CERS6: variants seen among roughly 807,000 people sequenced by gnomAD.
The protein encoded by CERS6 is ceramide synthase 6.
A neutral mutation model predicts 56.8 loss-of-function variants in CERS6; 26 were observed. That is an observed-to-expected ratio of 0.46 (90% CI 0.34 to 0.63). CERS6 has a LOEUF of 0.63. Among genes scored for constraint, CERS6 ranks in the 30% least tolerant of loss-of-function variants. The probability of loss-of-function intolerance (pLI) is 0.01; values close to 1 mark genes in which losing one functional copy is unlikely to be tolerated. For synonymous variants in CERS6, 164 were observed against 173.3 expected (o/e 0.95, Z 0.42); for missense variants, 415 against 467.5 (o/e 0.89, Z 1.04).
In CERS6 at chr2:168,568,961, A is replaced by T. The variant is rs751586908; in HGVS notation, c.407+7639A>T. Among the ~76,000 whole-genome samples, 66 of 152,394 alleles carry T rather than the reference A, an allele frequency of 4.3e-4. No individual in the cohort carries two copies. In the South Asian group the frequency reaches 4.3e-3, roughly 10 times the overall value. On this transcript the variant is annotated intron_variant, in intron 3 of 9. Transcript: ENST00000305747. The stretch of plus-strand genomic sequence containing the variant: ...ACAGGAGCAGTTTTATACACATTAA[A>T]TGGCTAAGAAATACATAGCTACTAC...
chr2:168,517,681 A>G (rs922217493), intron 1 of CERS6, among the ~76,000 whole-genome samples: 1 of 152,054 alleles, frequency 6.6e-6, no homozygotes, highest in Non-Finnish European at 1.5e-5. Flanking sequence ...CCATGGAAAA[A>G]AAGAGACACA....
At chr2:168,721,652 T>C (rs1683172588) in intron 8 of CERS6, among the ~76,000 whole-genome samples, 1 of 149,564 alleles carries the variant, frequency 6.7e-6, no homozygotes, top group African/African-American at 2.5e-5. Context: ...GGGGTCTTGC[T>C]CTGTTGGCCA....
intron 4 of CERS6, among the ~76,000 whole-genome samples, chr2:168,687,425 G>C (rs548468043): frequency 1.3e-5 from 2 of 152,274 alleles, no homozygotes; most frequent in South Asian, 4.2e-4. Flanking sequence ...CTAATAGCAT[G>C]AGTATCAACT....
chr2:168,682,324 A>C (rs1043817719), intron 4 of CERS6, among the ~76,000 whole-genome samples: 1 of 152,236 alleles, frequency 6.6e-6, no homozygotes, highest in African/African-American at 2.4e-5. Flanking sequence ...AGAAAAAATA[A>C]AAATCCCCTG....
At chr2:168,608,554 C>T (rs1158579670) in intron 3 of CERS6, among the ~76,000 whole-genome samples, 3 of 152,198 alleles carry the variant, frequency 2.0e-5, no homozygotes, top group Non-Finnish European at 2.9e-5. Context: ...TTGCTATTAT[C>T]TCTTCAATTA....
chr2:168,693,587 A>G (rs2105364033), intron 5 of CERS6, among the ~76,000 whole-genome samples: 1 of 152,298 alleles, frequency 6.6e-6, no homozygotes, highest in South Asian at 2.1e-4. Flanking sequence ...TTCAAGTTTT[A>G]CAAGGACAGT....
intron 8 of CERS6, among the ~76,000 whole-genome samples, chr2:168,752,229 A>G (rs150906784): frequency 6.6e-6 from 1 of 151,596 alleles, no homozygotes; most frequent in Non-Finnish European, 1.5e-5. Flanking sequence ...ATTTGAGCCC[A>G]GGAGTCTGAG....
chr2:168,671,139 T>TG (rs1483163760), intron 4 of CERS6, among the ~76,000 whole-genome samples: 3 of 151,960 alleles, frequency 2.0e-5, no homozygotes, highest in African/African-American at 7.3e-5. Context: ...TTTTGTATTT[T>TG]TTTTTTCAGT....
At chr2:168,707,381 A>G (rs3845722) in intron 6 of CERS6, among the ~76,000 whole-genome samples, 40,128 of 152,112 alleles carry the variant, frequency 0.26, 6,481 homozygotes, top group Middle Eastern at 0.44. Flanking sequence ...TGGAGAAGGG[A>G]ATAATTGATT....
At position 168,635,371 on chromosome 2, in the gene CERS6, AGTGAAGATGCACTGCTGGGTGG is replaced by A. The variant is rs1684839296; in HGVS notation, c.465+4333_465+4354del. 2.6e-5 allele frequency among the ~76,000 whole-genome samples: 4 copies of A among 152,338 alleles called. No homozygotes were observed. In the South Asian group the frequency reaches 8.3e-4, roughly 32 times the overall value. On this transcript the variant is annotated intron_variant, in intron 4 of 9. Coordinates refer to ENST00000305747, the MANE Select transcript of CERS6 (RefSeq NM_203463.3). ...TGCTGGAATGAACTGCTACTGCTGG[AGTGAAGATGCACTGCTGGGTGG>A]GTGTGGAGGCAGGGGATGAACGTGA...
intron 9 of CERS6, among the ~76,000 whole-genome samples, chr2:168,768,310 A>G (rs1394077364): frequency 6.6e-6 from 1 of 150,842 alleles, no homozygotes; most frequent in East Asian, 2.0e-4. Flanking sequence ...GCTCACCGCA[A>G]CCTCCACTTC....
At chr2:168,466,499 A>C (rs755310645) in intron 1 of CERS6, among the ~76,000 whole-genome samples, 4 of 152,194 alleles carry the variant, frequency 2.6e-5, no homozygotes, top group African/African-American at 7.2e-5. Context: ...CAAACACTTG[A>C]GTATTTAAAG....
At chr2:168,502,710 A>G (rs928715759) in intron 1 of CERS6, among the ~76,000 whole-genome samples, 1 of 152,166 alleles carries the variant, frequency 6.6e-6, no homozygotes, top group Non-Finnish European at 1.5e-5. Flanking sequence ...AATATTAGCC[A>G]TTTTATCATT....
At chr2:168,744,135 A>T (rs1194226148) in intron 8 of CERS6, among the ~76,000 whole-genome samples, 1 of 150,086 alleles carries the variant, frequency 6.7e-6, no homozygotes, top group African/African-American at 2.5e-5. Flanking sequence ...CCTCCTGAGT[A>T]GCTGGGACTA....
intron 3 of CERS6, among the ~76,000 whole-genome samples, chr2:168,565,135 A>T (rs954999794): frequency 6.6e-6 from 1 of 152,244 alleles, no homozygotes; most frequent in Admixed American, 6.5e-5. Context: ...ATGGGATGGC[A>T]AAGGAGAACA....
At chr2:168,719,897 A>C (rs1011449517) in intron 8 of CERS6, among the ~76,000 whole-genome samples, 7 of 152,022 alleles carry the variant, frequency 4.6e-5, no homozygotes, top group Non-Finnish European at 8.8e-5. Flanking sequence ...GAAAGGTGAT[A>C]TCCATTTAAA....
At chr2:168,554,467 A>G (rs902698574) in intron 2 of CERS6, among the ~76,000 whole-genome samples, 2 of 152,200 alleles carry the variant, frequency 1.3e-5, no homozygotes, top group Non-Finnish European at 2.9e-5. Context: ...GGGTGTCCAT[A>G]TACAAACGGG....
In CERS6 at chr2:168,771,402, G is replaced by A. The variant is rs1684858105; in HGVS notation, c.*1740G>A. On this transcript the variant is annotated 3_prime_UTR_variant, in exon 10 of 10. Coordinates refer to ENST00000305747, the MANE Select transcript of CERS6 (RefSeq NM_203463.3). ...TATGGTCCTTAGTAATAATTGAAGAGGCTTAGAAATACATCTGCTTGTTTA... is the reference window on the plus strand; with the variant it reads ...TATGGTCCTTAGTAATAATTGAAGAAGCTTAGAAATACATCTGCTTGTTTA... 6.6e-6 allele frequency: 1 copy of A among 152,168 alleles called. No homozygotes were observed. Among genetic ancestry groups the A allele is most frequent in the East Asian group, 1.9e-4 (1 of 5,194 alleles). 9.4% of individuals were successfully genotyped at this position (152,168 alleles called of 1,614,324 possible).
intron 4 of CERS6, among the ~76,000 whole-genome samples, chr2:168,661,049 G>A (rs115719285): frequency 0.03 from 4,562 of 152,094 alleles, 243 homozygotes; most frequent in African/African-American, 0.1. Context: ...GGAGCAGAGA[G>A]GCGGGAGGGG....
Sources: allele counts gnomAD v4.1 joint callset (sites outside exome capture counted in the v4.1 genomes callset), GRCh38; gene constraint gnomAD v4.1.1; transcripts MANE v1.5; gene names NCBI Gene and HGNC (gene_info 2026-07-23, HGNC 2026-07-21).